MTCL2: variants seen among roughly 807,000 people sequenced by gnomAD.
MTCL2 encodes microtubule crosslinking factor 2.
the MTCL2 span, among the ~76,000 whole-genome samples, chr20:36,853,702 G>GGTGTGTGT: frequency 6.9e-5 from 10 of 143,934 alleles, no homozygotes; most frequent in East Asian, 2.1e-4. Flanking sequence ...ATCAGGGAGG[G>GGTGTGTGT]GTGTGTGTGT....
chr20:36,845,847 G>A, the MTCL2 span, among the ~76,000 whole-genome samples: 1 of 152,130 alleles, frequency 6.6e-6, no homozygotes, highest in African/African-American at 2.4e-5. Flanking sequence ...GGGGTGGGGG[G>A]CCCTGGGAGG....
At chr20:36,811,906 G>A in the MTCL2 span, among the ~76,000 whole-genome samples, 3 of 152,300 alleles carry the variant, frequency 2.0e-5, no homozygotes, top group Middle Eastern at 3.4e-3. Flanking sequence ...ACTCCACCCA[G>A]TCCGTAGGAG....
the MTCL2 span, chr20:36,794,467 C>T: frequency 1.2e-6 from 2 of 1,614,024 alleles, no homozygotes; most frequent in Admixed American, 3.3e-5. The surrounding 1 kb of genome is among the most constrained non-coding windows in gnomAD (Gnocchi z 5.4). Context: ...TCTCTGGATC[C>T]CCTGGCTCGG....
At chr20:36,805,066 C>T in the MTCL2 span, among the ~76,000 whole-genome samples, 2 of 152,152 alleles carry the variant, frequency 1.3e-5, no homozygotes, top group African/African-American at 4.8e-5. Flanking sequence ...GAATGACAGG[C>T]CCAGCCCTGG....
chr20:36,790,087 G>C, the MTCL2 span, among the ~76,000 whole-genome samples: 1 of 151,244 alleles, frequency 6.6e-6, no homozygotes, highest in African/African-American at 2.4e-5. Flanking sequence ...CGCCTCCCGG[G>C]TTCATGCCAT....
At chr20:36,794,456 T>G in the MTCL2 span, 1 of 1,614,026 alleles carries the variant, frequency 6.2e-7, no homozygotes, top group East Asian at 2.2e-5. This position sits in a 1 kb window ranked among gnomAD's most constrained non-coding sequence, Gnocchi z 5.4. Flanking sequence ...CTTGGTGTCT[T>G]TCTCTGGATC....
chr20:36,861,737 T>A, the MTCL2 span, among the ~76,000 whole-genome samples: 1 of 151,648 alleles, frequency 6.6e-6, no homozygotes, highest in Admixed American at 6.6e-5. Flanking sequence ...CAGGGAGAGG[T>A]CAACACGTGC....
chr20:36,796,826 G>C, the MTCL2 span: 1 of 1,564,614 alleles, frequency 6.4e-7, no homozygotes, highest in South Asian at 1.1e-5. Flanking sequence ...AGGTGGAGAG[G>C]GGCGAGGCTG....
At chr20:36,846,902 C>G in the MTCL2 span, among the ~76,000 whole-genome samples, 1 of 152,060 alleles carries the variant, frequency 6.6e-6, no homozygotes, top group Non-Finnish European at 1.5e-5. Flanking sequence ...CCCAGCTACT[C>G]GGGAGGCTGA....
chr20:36,837,546 ACATTAT>A, the MTCL2 span, among the ~76,000 whole-genome samples: 30,095 of 134,982 alleles, frequency 0.22, 3,523 homozygotes, highest in Non-Finnish European at 0.27. Flanking sequence ...CATTTTACCC[ACATTAT>A]TATTATTATT....
At chr20:36,861,591 C>T in the MTCL2 span, among the ~76,000 whole-genome samples, 1 of 152,346 alleles carries the variant, frequency 6.6e-6, no homozygotes, top group Admixed American at 6.5e-5. Flanking sequence ...CAGCAGCATG[C>T]TGTGAGCTCC....
chr20:36,815,702 G>A, the MTCL2 span: 4 of 1,603,544 alleles, frequency 2.5e-6, no homozygotes, highest in Admixed American at 3.4e-5. The surrounding 1 kb of genome is among the most constrained non-coding windows in gnomAD (Gnocchi z 5.3). Context: ...TGAGCTCGCC[G>A]ATCTGCAGCT....
the MTCL2 span, chr20:36,797,383 G>T: frequency 7.1e-6 from 7 of 987,612 alleles, no homozygotes; most frequent in Non-Finnish European, 1.1e-5. Flanking sequence ...AGGAGCCCAA[G>T]GTGCAAGGGT....
At chr20:36,822,682 C>T in the MTCL2 span, among the ~76,000 whole-genome samples, 1 of 152,052 alleles carries the variant, frequency 6.6e-6, no homozygotes, top group Non-Finnish European at 1.5e-5. Context: ...AGATTTTCAC[C>T]AAATCTGGAG....
the MTCL2 span, among the ~76,000 whole-genome samples, chr20:36,805,649 T>C: frequency 6.6e-6 from 1 of 152,330 alleles, no homozygotes; most frequent in African/African-American, 2.4e-5. Flanking sequence ...TATTGTCCCC[T>C]ATACTGCAAA....
At chr20:36,778,379 C>T in the MTCL2 span, 1 of 152,444 alleles carries the variant, frequency 6.6e-6, no homozygotes, top group Admixed American at 6.5e-5. Context: ...GCTTGTAGGG[C>T]CCCACTCCAC....
the MTCL2 span, chr20:36,785,810 G>A: frequency 1.2e-4 from 115 of 985,378 alleles, no homozygotes; most frequent in Non-Finnish European, 1.3e-4. Flanking sequence ...TTTCCACTTC[G>A]CCTCCCAGCT....
At chr20:36,813,398 G>T in the MTCL2 span, among the ~76,000 whole-genome samples, 1 of 133,104 alleles carries the variant, frequency 7.5e-6, no homozygotes, top group Non-Finnish European at 1.6e-5. Context: ...TTGAGTTAAA[G>T]AAATTATGGC....
At chr20:36,849,380 T>G in the MTCL2 span, among the ~76,000 whole-genome samples, 1 of 152,120 alleles carries the variant, frequency 6.6e-6, no homozygotes, top group South Asian at 2.1e-4. Flanking sequence ...TAACTTTAAA[T>G]GTTGAAATGA....
Sources: allele counts gnomAD v4.1 joint callset (sites outside exome capture counted in the v4.1 genomes callset), GRCh38; gene constraint gnomAD v4.1.1; non-coding constraint Gnocchi (gnomAD v3.1); transcripts MANE v1.5; gene names NCBI Gene and HGNC (gene_info 2026-07-23, HGNC 2026-07-21).